TP63: variants seen among roughly 807,000 people sequenced by gnomAD.
TP63 encodes tumor protein 63.
TP63 carries 17 observed loss-of-function variants against 82.8 expected under a neutral mutation model. The ratio of observed to expected loss-of-function variants is 0.21; its 90% CI spans 0.14 to 0.31. TP63 has a LOEUF of 0.31. TP63 is among the 10% of genes least tolerant of loss of function. The pLI is 1.00. For synonymous variants in TP63, 330 were observed against 321.7 expected (o/e 1.03, Z -0.28); for missense variants, 648 against 895.3 (o/e 0.72, Z 3.52).
In TP63 at chr3:189,672,656, GGAAGGAAA is replaced by G. The variant is rs1290343058; in HGVS notation, c.62+41087_62+41094del. Among the ~76,000 whole-genome samples the G allele has an allele frequency of 8.3e-3, 988 of 118,886 alleles. 4 individuals carry two copies. Among genetic ancestry groups the G allele is most frequent in the Middle Eastern group, 0.017 (4 of 238 alleles). 78.0% of individuals were successfully genotyped at this position (118,886 alleles called of 152,430 possible). ...AGGAAGGGAGGGAGGGAGGGAGGAA[GGAAGGAAA>G]GAAGGAAGGAAGGAAGGAAGGAAGG... On this transcript the variant is annotated intron_variant, in intron 1 of 13. Coordinates refer to ENST00000264731, the MANE Select transcript of TP63 (RefSeq NM_003722.5).
intron 10 of TP63, chr3:189,880,273 C>A: frequency 7.1e-7 from 1 of 1,406,050 alleles, no homozygotes; most frequent in South Asian, 1.9e-5. Flanking sequence ...ATCTAGCCCT[C>A]ATAAACAGGA....
chr3:189,756,264 A>G (rs889365571), intron 3 of TP63, among the ~76,000 whole-genome samples: 9 of 152,182 alleles, frequency 5.9e-5, no homozygotes, highest in Non-Finnish European at 1.2e-4. Flanking sequence ...AAGAAAATAT[A>G]TTTCACATAG....
intron 3 of TP63, among the ~76,000 whole-genome samples, chr3:189,749,183 CT>C (rs1357367028): frequency 6.6e-6 from 1 of 151,614 alleles, no homozygotes; most frequent in Non-Finnish European, 1.5e-5. Flanking sequence ...ACTATTTAAA[CT>C]AAAAATGGGG....
At chr3:189,700,829 A>T (rs1482796281) in intron 1 of TP63, among the ~76,000 whole-genome samples, 1 of 152,296 alleles carries the variant, frequency 6.6e-6, no homozygotes, top group African/African-American at 2.4e-5. Flanking sequence ...TATTCCAGGG[A>T]TATTTTAGGA....
At chr3:189,856,674 C>T (rs1467126489) in intron 4 of TP63, among the ~76,000 whole-genome samples, 2 of 152,000 alleles carry the variant, frequency 1.3e-5, no homozygotes, top group African/African-American at 2.4e-5. Flanking sequence ...TCATAGGCTA[C>T]ATGGTCATTA....
At chr3:189,607,660 TATA>T in the TP63 span, among the ~76,000 whole-genome samples, 8 of 151,746 alleles carry the variant, frequency 5.3e-5, no homozygotes, top group Non-Finnish European at 1.2e-4. Context: ...AATTAGAATA[TATA>T]ATAATAGTGT....
At chr3:189,870,560 A>G (rs188836966) in intron 9 of TP63, among the ~76,000 whole-genome samples, 5 of 152,264 alleles carry the variant, frequency 3.3e-5, no homozygotes, top group Admixed American at 3.3e-4. Context: ...CCTGGAATCA[A>G]TGCTCTGCTG....
upstream of TP63, among the ~76,000 whole-genome samples, chr3:189,627,265 T>C (rs1485479870): frequency 6.6e-6 from 1 of 152,212 alleles, no homozygotes; most frequent in Admixed American, 6.5e-5. Context: ...TTTGTTGGAC[T>C]TCTGGCCATA....
rs147148566 is a variant in TP63 at position 189,868,681 on chromosome 3, C to G, written c.1094C>G (p.Ser365Trp). ...DEDSIRKQQV[S>W]DSTKNGDGTK... ...GATAGCATCAGAAAGCAGCAAGTTTCGGACAGTACAAAGAACGGTGATGGT... is the reference window on the plus strand; with the variant it reads ...GATAGCATCAGAAAGCAGCAAGTTTGGGACAGTACAAAGAACGGTGATGGT... The change falls in exon 8 of 14, where the codon TCG becomes TGG. Residue 365 changes from serine to tryptophan, a missense_variant. Ser to Trp is a radical substitution (Grantham distance 177). This residue lies in a region of TP63 where 342 missense variants were observed against 425.7 expected (regional missense o/e 0.80). Transcript: ENST00000264731. The G allele has an allele frequency of 3.1e-6, 5 of 1,614,026 alleles. 1 individual carries two copies. In the East Asian group the frequency reaches 1.1e-4, roughly 36 times the overall value.
At chr3:189,665,923 G>C (rs1276545896) in intron 1 of TP63, among the ~76,000 whole-genome samples, 1 of 151,854 alleles carries the variant, frequency 6.6e-6, no homozygotes, top group Non-Finnish European at 1.5e-5. Context: ...TTGAACCTGG[G>C]TCAACATGAA....
intron 1 of TP63, among the ~76,000 whole-genome samples, chr3:189,721,287 G>T (rs1274807541): frequency 6.6e-6 from 1 of 152,192 alleles, no homozygotes; most frequent in Non-Finnish European, 1.5e-5. Flanking sequence ...ACAATAGGTT[G>T]TGGGCCTTCC....
intron 3 of TP63, among the ~76,000 whole-genome samples, chr3:189,750,910 C>T (rs1721768655): frequency 6.6e-6 from 1 of 152,212 alleles, no homozygotes; most frequent in Admixed American, 6.5e-5. Context: ...TGTTGGTTTG[C>T]TGCACCCATC....
rs1173350857 is a variant in TP63 at position 189,648,156 on chromosome 3, T to C, written c.62+16579T>C. ...ACCAAAAATAAAGAACAAGAAGTAA[T>C]GGAAGAGGAGGAAAGTCTTTAAATG... is the stretch of plus-strand genomic sequence containing the variant. On this transcript the variant is annotated intron_variant, in intron 1 of 13. Transcript: ENST00000264731. 2.7e-5 allele frequency among the ~76,000 whole-genome samples: 4 copies of C among 147,080 alleles called. 1 individual carries two copies. The highest frequency in any genetic ancestry group is 1.0e-4 in the African/African-American group (4 of 39,254).
At chr3:189,813,200 T>C (rs899198704) in intron 4 of TP63, among the ~76,000 whole-genome samples, 1 of 152,220 alleles carries the variant, frequency 6.6e-6, no homozygotes, top group African/African-American at 2.4e-5. Flanking sequence ...GCCTTACTTA[T>C]GGCAGACTCA....
intron 3 of TP63, among the ~76,000 whole-genome samples, chr3:189,803,828 T>C (rs1726580415): frequency 1.3e-5 from 2 of 152,228 alleles, no homozygotes; most frequent in Non-Finnish European, 2.9e-5. Flanking sequence ...ACTTTATAAG[T>C]TTCACAGTAG....
In TP63 at chr3:189,895,624, TATCTC is replaced by T. The variant is rs939177388; in HGVS notation, c.*1124_*1128del. Reference sequence around the variant, plus strand: ...GTTGAGTCTGTACTAAACAGTAAGATATCTCAATGAACCATAAATTCAACTTTGTA... The same window carrying T: ...GTTGAGTCTGTACTAAACAGTAAGATAATGAACCATAAATTCAACTTTGTA... On this transcript the variant is annotated 3_prime_UTR_variant, in exon 14 of 14. Coordinates refer to ENST00000264731, the MANE Select transcript of TP63 (RefSeq NM_003722.5). 3 of 225,832 alleles carry T rather than the reference TATCTC, an allele frequency of 1.3e-5. No individual in the cohort carries two copies. The highest frequency in any genetic ancestry group is 2.6e-5 in the Non-Finnish European group (3 of 113,592). 14.0% of individuals were successfully genotyped at this position (225,832 alleles called of 1,614,324 possible). A position where few individuals can be genotyped will look rare whatever the true frequency, so the allele number is the denominator to read the frequency against.
At chr3:189,798,111 C>G (rs1033384565) in intron 3 of TP63, among the ~76,000 whole-genome samples, 1 of 152,012 alleles carries the variant, frequency 6.6e-6, no homozygotes, top group African/African-American at 2.4e-5. Flanking sequence ...GTAATGTTCC[C>G]TGAATGTGAT....
chr3:189,847,230 C>T lies in TP63; in HGVS notation c.580-17002C>T, dbSNP rs187442691. Among the ~76,000 whole-genome samples the T allele has an allele frequency of 3.0e-3, 461 of 152,074 alleles. 2 individuals carry two copies. Among genetic ancestry groups the T allele is most frequent in the Non-Finnish European group, 3.8e-3 (260 of 67,990 alleles). The stretch of plus-strand genomic sequence containing the variant: ...AAAATTAGCTAGGTGTGGTGGCGGG[C>T]GCCTGTAATCCCAGCTACTCAGGAG... On this transcript the variant is annotated intron_variant, in intron 4 of 13. Transcript: ENST00000264731.
At chr3:189,875,484 T>C (rs1718939030) in intron 10 of TP63, among the ~76,000 whole-genome samples, 1 of 150,430 alleles carries the variant, frequency 6.6e-6, no homozygotes, top group South Asian at 2.1e-4. Flanking sequence ...AAGAATCGCT[T>C]GAACCTGGGA....
Sources: allele counts gnomAD v4.1 joint callset (sites outside exome capture counted in the v4.1 genomes callset), GRCh38; gene constraint gnomAD v4.1.1; regional missense constraint gnomAD v4.1.1; transcripts MANE v1.5; gene names NCBI Gene and HGNC (gene_info 2026-07-23, HGNC 2026-07-21).